CMPK1: variants seen among roughly 807,000 people sequenced by gnomAD.
CMPK1 encodes the protein UMP-CMP kinase.
A neutral mutation model predicts 25.7 loss-of-function variants in CMPK1; 10 were observed. That is an observed-to-expected ratio of 0.39 (90% CI 0.24 to 0.66). The LOEUF (loss-of-function observed/expected upper bound fraction) is 0.66, where lower values mean the gene tolerates loss of function less well. Ranked by LOEUF, CMPK1 falls within the 30% of genes least tolerant of loss-of-function variation. The pLI is 0.48. For missense variants in CMPK1, 199 were observed against 280.5 expected (o/e 0.71, Z 2.08); for synonymous variants, 106 against 101.5 (o/e 1.04, Z -0.27).
chr1:47,369,781 C>T (rs954094925), intron 2 of CMPK1, among the ~76,000 whole-genome samples: 5 of 151,150 alleles, frequency 3.3e-5, no homozygotes, highest in African/African-American at 1.2e-4. Context: ...ATGATGGTCT[C>T]GATCTCTTGA....
chr1:47,350,273 T>G (rs1646513811), intron 1 of CMPK1, among the ~76,000 whole-genome samples: 1 of 150,424 alleles, frequency 6.6e-6, no homozygotes, highest in African/African-American at 2.4e-5. Flanking sequence ...GACCTTGCGC[T>G]GTCACCAGGC....
intron 1 of CMPK1, among the ~76,000 whole-genome samples, chr1:47,343,358 G>GA (rs1300985046): frequency 9.6e-3 from 6 of 622 alleles, no homozygotes; most frequent in Non-Finnish European, 0.028. Flanking sequence ...AGCATTTTGG[G>GA]AGCCAAGGCG....
chr1:47,348,008 A>G lies in CMPK1; in HGVS notation c.171+13892A>G, dbSNP rs55790730. ...ACTATTGCTGTGTTTCCTTTAAAAA[A>G]TTAAACCCAGGGCACTATTGTGAAT... On this transcript the variant is annotated intron_variant, in intron 1 of 5. Transcript: ENST00000371873. Among the ~76,000 whole-genome samples the G allele has an allele frequency of 9.7e-3, 1,480 of 152,322 alleles. 11 individuals carry two copies. The highest frequency in any genetic ancestry group is 0.016 in the Non-Finnish European group (1,103 of 68,016).
intron 2 of CMPK1, among the ~76,000 whole-genome samples, chr1:47,370,081 A>C (rs1646667920): frequency 6.6e-6 from 1 of 150,384 alleles, no homozygotes; most frequent in African/African-American, 2.4e-5. Context: ...AGCCTGGATA[A>C]TTTTTTGTGT....
intron 1 of CMPK1, among the ~76,000 whole-genome samples, chr1:47,365,060 C>T (rs1243516758): frequency 2.6e-5 from 4 of 152,104 alleles, no homozygotes; most frequent in Non-Finnish European, 5.9e-5. Context: ...TGTACCTGGC[C>T]GTACCCAATA....
chr1:47,347,619 G>T (rs182209187), intron 1 of CMPK1, among the ~76,000 whole-genome samples: 1 of 151,958 alleles, frequency 6.6e-6, no homozygotes, highest in African/African-American at 2.4e-5. Context: ...TTTTGTTGTT[G>T]TTGTTTTTGG....
intron 1 of CMPK1, among the ~76,000 whole-genome samples, chr1:47,344,339 A>G (rs890779703): frequency 6.6e-6 from 1 of 152,172 alleles, no homozygotes; most frequent in African/African-American, 2.4e-5. Context: ...CGCTTAGAGC[A>G]GTTATCCTTG....
chr1:47,342,524 C>T (rs1646448572), intron 1 of CMPK1, among the ~76,000 whole-genome samples: 1 of 152,102 alleles, frequency 6.6e-6, no homozygotes, highest in Admixed American at 6.6e-5. Flanking sequence ...AATTAACCAT[C>T]ACAAACATTA....
rs182786283 is a variant in CMPK1 at position 47,378,052 on chromosome 1, C to G, written c.*1307C>G. 6 of 152,088 alleles carry G rather than the reference C, an allele frequency of 3.9e-5. No homozygotes were observed. The highest frequency in any genetic ancestry group is 1.3e-4 in the Admixed American group (2 of 15,284). The allele number at this position is 152,088 out of a possible 1,614,324, so 9.4% of individuals were successfully genotyped here. ...ACTTACATCATTTGGTACACAGGGTCAAATAGGGCAAATAATTTTGTCTTT... is the reference window on the plus strand; with the variant it reads ...ACTTACATCATTTGGTACACAGGGTGAAATAGGGCAAATAATTTTGTCTTT... On this transcript the variant is annotated 3_prime_UTR_variant, in exon 6 of 6. Coordinates refer to ENST00000371873, the MANE Select transcript of CMPK1 (RefSeq NM_016308.3).
intron 5 of CMPK1, among the ~76,000 whole-genome samples, chr1:47,376,050 A>G (rs1646706180): frequency 6.6e-6 from 1 of 151,966 alleles, no homozygotes; most frequent in African/African-American, 2.4e-5. Flanking sequence ...GTTATATTTT[A>G]TATTTTATTT....
intron 1 of CMPK1, among the ~76,000 whole-genome samples, chr1:47,350,314 G>A (rs1646514074): frequency 1.3e-5 from 2 of 151,920 alleles, no homozygotes; most frequent in South Asian, 4.2e-4. Flanking sequence ...ATGGCTCATT[G>A]AAGCCTCTAC....
intron 1 of CMPK1, among the ~76,000 whole-genome samples, chr1:47,346,148 C>T (rs1054379949): frequency 1.3e-5 from 2 of 152,016 alleles, no homozygotes; most frequent in Non-Finnish European, 1.5e-5. Flanking sequence ...CTCCCGGGTT[C>T]AAGAGATTCT....
chr1:47,359,611 A>T (rs977940657), intron 1 of CMPK1, among the ~76,000 whole-genome samples: 2 of 151,546 alleles, frequency 1.3e-5, no homozygotes, highest in Non-Finnish European at 2.9e-5. Context: ...CTGGTGTCGA[A>T]CTCCTGACCT....
At chr1:47,336,420 C>T (rs1395139303) in intron 1 of CMPK1, among the ~76,000 whole-genome samples, 1 of 152,206 alleles carries the variant, frequency 6.6e-6, no homozygotes, top group Non-Finnish European at 1.5e-5. Flanking sequence ...CACACAGAGA[C>T]AGATGCAGAT....
rs140132139 is a variant in CMPK1 at position 47,342,035 on chromosome 1, A to G, written c.171+7919A>G. Reference sequence around the variant, plus strand: ...AAGCGATCCTCCTGCCTTATCCTTCAGAGTAGCTGGGACTACAGGCTCACA... The same window carrying G: ...AAGCGATCCTCCTGCCTTATCCTTCGGAGTAGCTGGGACTACAGGCTCACA... On this transcript the variant is annotated intron_variant, in intron 1 of 5. Coordinates refer to ENST00000371873, the MANE Select transcript of CMPK1 (RefSeq NM_016308.3). Among the ~76,000 whole-genome samples, 1,397 of 152,098 alleles carry G rather than the reference A, an allele frequency of 9.2e-3. 11 individuals are homozygous for G. Among genetic ancestry groups the G allele is most frequent in the Non-Finnish European group, 0.014 (961 of 67,980 alleles).
intron 2 of CMPK1, among the ~76,000 whole-genome samples, chr1:47,372,207 C>G (rs1481197135): frequency 1.3e-5 from 2 of 152,024 alleles, no homozygotes; most frequent in African/African-American, 4.8e-5. Flanking sequence ...ATTTCTCTGC[C>G]TCAGCCTCCC....
At chr1:47,364,704 A>G (rs1646627071) in intron 1 of CMPK1, among the ~76,000 whole-genome samples, 1 of 148,486 alleles carries the variant, frequency 6.7e-6, no homozygotes, top group Admixed American at 6.8e-5. Flanking sequence ...AAGTTATGAT[A>G]TAAATTGTAT....
chr1:47,368,112 G>A (rs758380029), intron 1 of CMPK1, among the ~76,000 whole-genome samples: 41 of 151,982 alleles, frequency 2.7e-4, no homozygotes, highest in Non-Finnish European at 4.4e-5. Context: ...ACCATGCCTG[G>A]CTAATTTTTG....
chr1:47,373,287 G>A, intron 3 of CMPK1, 180 bp downstream of exon 3: 1 of 428,892 alleles, frequency 2.3e-6, no homozygotes, highest in Non-Finnish European at 3.9e-6. Context: ...TTTGGCATTA[G>A]CAGCCTTGTG....
Sources: gnomAD v4.1 joint callset for allele counts (sites outside exome capture counted in the v4.1 genomes callset) on GRCh38, gnomAD v4.1.1 for gene constraint, MANE v1.5 for transcripts, NCBI Gene and HGNC (gene_info 2026-07-23, HGNC 2026-07-21) for gene names.